The following WDR27 variants were observed in gnomAD, a reference collection of about 807,000 sequenced individuals.
WDR27 encodes the protein WD repeat domain 27.
Under a neutral mutation model 114.4 loss-of-function variants are expected in WDR27, and 100 were observed. The observed-to-expected ratio is 0.87, with a 90% CI of 0.74 to 1.03. The LOEUF (loss-of-function observed/expected upper bound fraction) is 1.03, where lower values mean the gene tolerates loss of function less well. WDR27 is among the 50% of genes least tolerant of loss of function. WDR27 has a pLI of 0.00. For synonymous variants in WDR27, 449 were observed against 423.1 expected, an observed-to-expected ratio of 1.06 and a Z score of -0.75; for missense variants, 1,129 against 1,092.9, an observed-to-expected ratio of 1.03 and a Z score of -0.47.
chr6:169,686,502 T>C (rs1205915924), intron 2 of WDR27, among the ~76,000 whole-genome samples: 1 of 152,174 alleles, frequency 6.6e-6, no homozygotes, highest in African/African-American at 2.4e-5. Flanking sequence ...CCCAACTATA[T>C]GTGGACTACG....
At chr6:169,563,321 A>AGTAG (rs1414983239) in intron 25 of WDR27, among the ~76,000 whole-genome samples, 1 of 152,170 alleles carries the variant, frequency 6.6e-6, no homozygotes, top group African/African-American at 2.4e-5. Flanking sequence ...AAGCCAAAAA[A>AGTAG]GTAGCAGCTG....
intron 25 of WDR27, among the ~76,000 whole-genome samples, chr6:169,518,344 C>G (rs1433057520): frequency 6.6e-6 from 1 of 152,284 alleles, no homozygotes; most frequent in Non-Finnish European, 1.5e-5. Context: ...CTGCAGCAGG[C>G]TTCTGCCTGG....
intron 13 of WDR27, 68 bp from the exon 14 acceptor site, chr6:169,652,076 G>C: frequency 7.2e-7 from 1 of 1,383,976 alleles, no homozygotes; most frequent in South Asian, 1.2e-5. Context: ...GACATGAGAA[G>C]AACAGAGTCT....
chr6:169,698,470 G>C (rs1006633811), intron 1 of WDR27, among the ~76,000 whole-genome samples: 1 of 152,150 alleles, frequency 6.6e-6, no homozygotes, highest in African/African-American at 2.4e-5. Flanking sequence ...GCAGCTAACT[G>C]AAGTGCAACC....
chr6:169,621,764 A>G (rs577900117), intron 21 of WDR27, among the ~76,000 whole-genome samples: 2 of 151,600 alleles, frequency 1.3e-5, no homozygotes, highest in East Asian at 3.9e-4. Context: ...ACACATATAT[A>G]CAGACGCACA....
rs76122737 is a variant in WDR27 at position 169,601,943 on chromosome 6, G to A, written c.2424+276C>T. ...CTTGTAATAAACAAGAAAATATAAC[G>A]TGTAGCACAGTGTCTTTCAAATAGT... On this transcript the variant is annotated intron_variant, in intron 23 of 25. Coordinates refer to ENST00000448612, the MANE Select transcript of WDR27 (RefSeq NM_182552.5). Among the ~76,000 whole-genome samples, 776 of 152,294 alleles carry A rather than the reference G, an allele frequency of 5.1e-3. 7 individuals carry two copies. The highest frequency in any genetic ancestry group is 8.2e-3 in the Admixed American group (126 of 15,304).
intron 18 of WDR27, 90 bp from the exon 19 acceptor site, chr6:169,636,594 C>T (rs1167841716): frequency 1.5e-6 from 2 of 1,322,864 alleles, no homozygotes; most frequent in East Asian, 2.4e-5. Flanking sequence ...TTCTTAAAAC[C>T]CAACATCTAT....
At chr6:169,573,609 C>T (rs932935198) in intron 24 of WDR27, among the ~76,000 whole-genome samples, 1 of 152,168 alleles carries the variant, frequency 6.6e-6, no homozygotes, top group Non-Finnish European at 1.5e-5. Context: ...AACTATTTTA[C>T]AACTGACAAT....
intron 14 of WDR27, among the ~76,000 whole-genome samples, chr6:169,651,278 C>T (rs561968259): frequency 6.6e-5 from 10 of 150,936 alleles, no homozygotes; most frequent in South Asian, 4.2e-4. Flanking sequence ...CAAGCGTGTG[C>T]GCTGCGGTCA....
the WDR27 span, among the ~76,000 whole-genome samples, chr6:169,430,712 T>G: frequency 1.3e-5 from 2 of 152,226 alleles, no homozygotes; most frequent in Non-Finnish European, 2.9e-5. Flanking sequence ...GCTGTCCTCA[T>G]CTGTAATAGT....
chr6:169,659,434 C>G lies in WDR27; in HGVS notation c.1197+17G>C. On this transcript the variant is annotated intron_variant, in intron 11 of 25. Coordinates refer to ENST00000448612, the MANE Select transcript of WDR27 (RefSeq NM_182552.5). The surrounding 1 kb of genome is among the most constrained non-coding windows in gnomAD (Gnocchi z 4.3). ...GGCACGTCTCATAGACAGGGAGGGC[C>G]GCGTCTCAGGACTGACCTTTTGATC... The G allele has an allele frequency of 2.5e-6, 4 of 1,604,104 alleles. No individual in the cohort carries two copies. The highest frequency in any genetic ancestry group is 3.4e-6 in the Non-Finnish European group (4 of 1,175,304).
At position 169,613,572 on chromosome 6, in the gene WDR27, G is replaced by A. The variant is rs780122393; in HGVS notation, c.2308C>T (p.Leu770=). ...GGACAGCCTTACCTCAGGGTTCTCAGGTCCCACAGTCTCATCCCATCGCCA... is the reference window on the plus strand; with the variant it reads ...GGACAGCCTTACCTCAGGGTTCTCAAGTCCCACAGTCTCATCCCATCGCCA... The part of the protein sequence containing the change: ...AIGDGMRLWD[L]RTLRCERHFE... Residue 770 remains leucine (L), a synonymous_variant, in exon 22 of 26, where the codon CTG becomes TTG. Coordinates refer to ENST00000448612, the MANE Select transcript of WDR27 (RefSeq NM_182552.5). 1.9e-6 allele frequency: 3 copies of A among 1,613,782 alleles called. No homozygotes were observed. Among genetic ancestry groups the A allele is most frequent in the Non-Finnish European group, 2.5e-6 (3 of 1,179,762 alleles).
At chr6:169,539,293 GGGAA>G (rs535010673) in intron 25 of WDR27, among the ~76,000 whole-genome samples, 81 of 152,210 alleles carry the variant, frequency 5.3e-4, no homozygotes, top group Admixed American at 2.0e-3. Context: ...CCAACCCGCT[GGGAA>G]GCAACTTGGC....
chr6:169,481,813 G>A (rs576988947), intron 25 of WDR27, among the ~76,000 whole-genome samples: 2 of 152,316 alleles, frequency 1.3e-5, no homozygotes, highest in African/African-American at 2.4e-5. Context: ...CACTCCTGAA[G>A]CCAGTGAGAC....
chr6:169,559,565 A>T (rs768917847), intron 25 of WDR27: 3 of 152,206 alleles, frequency 2.0e-5, no homozygotes, highest in Non-Finnish European at 4.4e-5. Flanking sequence ...CAGAAATAAG[A>T]AACTTTTTTG....
the WDR27 span, among the ~76,000 whole-genome samples, chr6:169,428,270 T>C: frequency 6.6e-6 from 1 of 152,210 alleles, no homozygotes; most frequent in African/African-American, 2.4e-5. Flanking sequence ...CTGAGGTCTT[T>C]TGAACTTTCC....
At position 169,664,068 on chromosome 6, in the gene WDR27, A is replaced by ATC. The variant is rs1048841719; in HGVS notation, c.904+96_904+97dup. On this transcript the variant is annotated intron_variant, in intron 8 of 25. Coordinates refer to ENST00000448612, the MANE Select transcript of WDR27 (RefSeq NM_182552.5). ...AGCCCTTGGCTTCTCCTACATTGGG[A>ATC]TCTCTCTCTCCCCTGTGTGACCTAG... The ATC allele has an allele frequency of 1.5e-5, 17 of 1,144,246 alleles. No individual in the cohort carries two copies. The African/African-American group carries it at 2.1e-4, about 14-fold the overall frequency. 70.9% of individuals were successfully genotyped at this position (1,144,246 alleles called of 1,614,324 possible).
At chr6:169,519,633 C>T (rs1258080277) in intron 25 of WDR27, among the ~76,000 whole-genome samples, 2 of 152,128 alleles carry the variant, frequency 1.3e-5, no homozygotes, top group Non-Finnish European at 2.9e-5. Flanking sequence ...ACACACCTCC[C>T]ACCAGGCCCT....
At chr6:169,500,633 A>G (rs950910893) in intron 25 of WDR27, among the ~76,000 whole-genome samples, 9 of 152,084 alleles carry the variant, frequency 5.9e-5, no homozygotes, top group African/African-American at 2.2e-4. Context: ...AGTACCCAGG[A>G]CCTGCCCTCC....
Sources: gnomAD v4.1 joint callset for allele counts (sites outside exome capture counted in the v4.1 genomes callset) on GRCh38, gnomAD v4.1.1 for gene constraint, Gnocchi (gnomAD v3.1) non-coding constraint, MANE v1.5 for transcripts, NCBI Gene and HGNC (gene_info 2026-07-23, HGNC 2026-07-21) for gene names.